The following SLC25A13 variants were observed in gnomAD, a reference collection of about 807,000 sequenced individuals.
SLC25A13 encodes solute carrier family 25 member 13.
SLC25A13 carries 70 observed loss-of-function variants against 85.5 expected under a neutral mutation model. That is an observed-to-expected ratio of 0.82 (90% CI 0.68 to 1.00). The LOEUF is 1.00. Among genes scored for constraint, SLC25A13 ranks in the 50% least tolerant of loss-of-function variants. The probability of loss-of-function intolerance (pLI) is 0.00; values close to 1 mark genes in which losing one functional copy is unlikely to be tolerated. For synonymous variants in SLC25A13, 259 were observed against 288.7 expected (o/e 0.90, Z 1.04); for missense variants, 765 against 819.8 (o/e 0.93, Z 0.82).
At chr7:96,312,819 C>T (rs1351172659) in intron 1 of SLC25A13, among the ~76,000 whole-genome samples, 1 of 152,106 alleles carries the variant, frequency 6.6e-6, no homozygotes, top group Admixed American at 6.5e-5. Context: ...GTGGGAGCTA[C>T]AGCAATGGTA....
chr7:96,195,231 CTCTCT>C (rs777827819), intron 5 of SLC25A13, among the ~76,000 whole-genome samples: 26 of 152,156 alleles, frequency 1.7e-4, no homozygotes, highest in Non-Finnish European at 2.8e-4. Context: ...CAAACCTGGT[CTCTCT>C]TCTATGTTCA....
At chr7:96,190,373 G>A (rs991260238) in intron 7 of SLC25A13, among the ~76,000 whole-genome samples, 2 of 151,834 alleles carry the variant, frequency 1.3e-5, no homozygotes, top group Non-Finnish European at 2.9e-5. Flanking sequence ...TTACAGGCAT[G>A]AGCCACCGCA....
intron 1 of SLC25A13, among the ~76,000 whole-genome samples, chr7:96,318,670 G>A (rs1800218386): frequency 6.6e-6 from 1 of 152,208 alleles, no homozygotes; most frequent in Non-Finnish European, 1.5e-5. Context: ...ACTATTTAAA[G>A]GAAGGTCATG....
At position 96,238,371 on chromosome 7, in the gene SLC25A13, C is replaced by A. The variant is rs184938869; in HGVS notation, c.213-3454G>T. On this transcript the variant is annotated intron_variant, in intron 3 of 17. Coordinates refer to ENST00000265631, the MANE Select transcript of SLC25A13 (RefSeq NM_014251.3). ...AACCTCCACCTTGGATGTCTAGCCTCCAGAACTTAGGACAACTAATTTGTT... is the reference window on the plus strand; with the variant it reads ...AACCTCCACCTTGGATGTCTAGCCTACAGAACTTAGGACAACTAATTTGTT... 1.7e-3 allele frequency among the ~76,000 whole-genome samples: 261 copies of A among 149,352 alleles called. 1 individual carries two copies. The highest frequency in any genetic ancestry group is 2.3e-3 in the Non-Finnish European group (158 of 67,420).
chr7:96,273,458 T>C (rs1272815990), intron 3 of SLC25A13, among the ~76,000 whole-genome samples: 1 of 152,184 alleles, frequency 6.6e-6, no homozygotes, highest in East Asian at 1.9e-4. Flanking sequence ...CTTGACATGA[T>C]CATTAATTCT....
intron 5 of SLC25A13, among the ~76,000 whole-genome samples, chr7:96,205,911 C>T (rs936745427): frequency 4.0e-5 from 6 of 151,408 alleles, no homozygotes; most frequent in African/African-American, 1.5e-4. Context: ...GAAGCTCACA[C>T]TTGCTTAGAT....
intron 14 of SLC25A13, among the ~76,000 whole-genome samples, chr7:96,143,848 G>A (rs2116472741): frequency 6.6e-6 from 1 of 152,264 alleles, no homozygotes; most frequent in African/African-American, 2.4e-5. Context: ...CCCTTCTTGG[G>A]TCTGGCATTG....
intron 1 of SLC25A13, among the ~76,000 whole-genome samples, chr7:96,320,565 A>G (rs976763470): frequency 6.6e-6 from 1 of 152,240 alleles, no homozygotes; most frequent in Non-Finnish European, 1.5e-5. Context: ...GGGTTAAGGC[A>G]GCTTCCAAAA....
intron 1 of SLC25A13, among the ~76,000 whole-genome samples, chr7:96,320,718 A>G (rs1411447912): frequency 6.6e-6 from 1 of 152,204 alleles, no homozygotes; most frequent in Non-Finnish European, 1.5e-5. Context: ...GTAATTACAG[A>G]AAAGAGAAAT....
intron 3 of SLC25A13, among the ~76,000 whole-genome samples, chr7:96,258,129 A>C (rs1797711149): frequency 6.6e-6 from 1 of 152,186 alleles, no homozygotes; most frequent in Non-Finnish European, 1.5e-5. Flanking sequence ...ATGGGCAAAA[A>C]CTGGAAGCAT....
chr7:96,206,571 C>G (rs982504339), intron 5 of SLC25A13, among the ~76,000 whole-genome samples: 1 of 152,202 alleles, frequency 6.6e-6, no homozygotes, highest in Non-Finnish European at 1.5e-5. Flanking sequence ...AAGTCCGGAT[C>G]TGGACTAGGA....
chr7:96,226,247 C>T (rs2116781276), intron 4 of SLC25A13, among the ~76,000 whole-genome samples: 1 of 152,264 alleles, frequency 6.6e-6, no homozygotes, highest in South Asian at 2.1e-4. Context: ...TTTCAGGTGT[C>T]TCATATAAGT....
At chr7:96,143,725 T>C (rs576906844) in intron 14 of SLC25A13, among the ~76,000 whole-genome samples, 1 of 152,352 alleles carries the variant, frequency 6.6e-6, no homozygotes. Flanking sequence ...GAAGTCAGAA[T>C]AGTTTGCTTA....
chr7:96,169,473 T>C (rs1793910777), intron 13 of SLC25A13, among the ~76,000 whole-genome samples: 1 of 152,074 alleles, frequency 6.6e-6, no homozygotes. Flanking sequence ...CGAGACACAA[T>C]GTTTTGCTGA....
At chr7:96,260,910 A>C (rs925798006) in intron 3 of SLC25A13, among the ~76,000 whole-genome samples, 1 of 152,124 alleles carries the variant, frequency 6.6e-6, no homozygotes, top group Non-Finnish European at 1.5e-5. Flanking sequence ...CCATGCTCAA[A>C]ACCCTCCAAT....
In SLC25A13 at chr7:96,171,697, C is replaced by T. The variant is rs149840781; in HGVS notation, c.1178-173G>A. Among the ~76,000 whole-genome samples the T allele has an allele frequency of 0.015, 2,249 of 152,280 alleles. 58 individuals carry two copies. The highest frequency in any genetic ancestry group is 0.051 in the African/African-American group (2,132 of 41,548). ...GGAATGTTTAAGTACTAACTTCTAA[C>T]AGCCGCATCAGTCCCAAGTACATTC... is the stretch of plus-strand genomic sequence containing the variant. On this transcript the variant is annotated intron_variant, in intron 11 of 17. Coordinates refer to ENST00000265631, the MANE Select transcript of SLC25A13 (RefSeq NM_014251.3).
At chr7:96,127,296 G>A (rs558732563) in intron 15 of SLC25A13, among the ~76,000 whole-genome samples, 4 of 152,216 alleles carry the variant, frequency 2.6e-5, no homozygotes, top group East Asian at 1.9e-4. Context: ...CCCCCGCTTC[G>A]GTCTTCACTT....
chr7:96,182,236 C>A (rs561583652), intron 11 of SLC25A13, among the ~76,000 whole-genome samples: 19 of 152,214 alleles, frequency 1.2e-4, no homozygotes, highest in Non-Finnish European at 2.6e-4. Flanking sequence ...AACTGTCAGT[C>A]ATCATTTTGC....
chr7:96,231,275 G>C (rs1472958191), intron 4 of SLC25A13, among the ~76,000 whole-genome samples: 2 of 151,948 alleles, frequency 1.3e-5, no homozygotes, highest in Non-Finnish European at 2.9e-5. Context: ...TTAACTAAAG[G>C]GCATTCTGCA....
Sources: gnomAD v4.1 joint callset for allele counts (sites outside exome capture counted in the v4.1 genomes callset) on GRCh38, gnomAD v4.1.1 for gene constraint, MANE v1.5 for transcripts, NCBI Gene and HGNC (gene_info 2026-07-23, HGNC 2026-07-21) for gene names.